TRIM14: variants seen among roughly 807,000 people sequenced by gnomAD.
TRIM14 encodes tripartite motif-containing protein 14.
In TRIM14, 28 loss-of-function variants were observed where a neutral mutation model predicts 44.5. The ratio of observed to expected loss-of-function variants is 0.63; its 90% CI spans 0.47 to 0.86. The LOEUF (loss-of-function observed/expected upper bound fraction) is 0.86, where lower values mean the gene tolerates loss of function less well. TRIM14 is among the 40% of genes least tolerant of loss of function. The probability of loss-of-function intolerance (pLI) is 0.00; values close to 1 mark genes in which losing one functional copy is unlikely to be tolerated. For synonymous variants in TRIM14, 299 were observed against 269.2 expected (o/e 1.11, Z -1.08); for missense variants, 607 against 611.1 (o/e 0.99, Z 0.07).
At chr9:98,038,334 G>A in the TRIM14 span, among the ~76,000 whole-genome samples, 71 of 152,244 alleles carry the variant, frequency 4.7e-4, no homozygotes, top group South Asian at 1.2e-3. Flanking sequence ...CTACAGGCAT[G>A]AGCTACCAAG....
the TRIM14 span, among the ~76,000 whole-genome samples, chr9:98,058,762 A>C: frequency 6.6e-6 from 1 of 152,178 alleles, no homozygotes; most frequent in Non-Finnish European, 1.5e-5. Flanking sequence ...CCTGTCTCTA[A>C]TTCCATTGAG....
the TRIM14 span, among the ~76,000 whole-genome samples, chr9:98,056,189 A>C: frequency 6.6e-6 from 1 of 152,016 alleles, no homozygotes; most frequent in East Asian, 1.9e-4. Flanking sequence ...CTTCTTGAAA[A>C]CTTACTACAA....
the TRIM14 span, among the ~76,000 whole-genome samples, chr9:98,054,899 A>G: frequency 1.3e-5 from 2 of 152,268 alleles, no homozygotes; most frequent in Non-Finnish European, 2.9e-5. Context: ...TGATTTATCA[A>G]AATAGGGGAA....
intron 4 of TRIM14, among the ~76,000 whole-genome samples, 175 bp downstream of exon 4, chr9:98,094,692 T>C (rs185447631): frequency 6.6e-6 from 1 of 151,426 alleles, no homozygotes; most frequent in East Asian, 2.0e-4. Context: ...TCAGGAAGGG[T>C]TGGAGGTGAA....
intron 2 of TRIM14, among the ~76,000 whole-genome samples, chr9:98,103,959 G>A (rs1289233407): frequency 2.6e-5 from 4 of 152,290 alleles, no homozygotes; most frequent in African/African-American, 9.6e-5. Context: ...GCAGGCTCCC[G>A]TGATACCGTG....
the TRIM14 span, among the ~76,000 whole-genome samples, chr9:98,036,755 G>C: frequency 1.3e-5 from 2 of 152,124 alleles, no homozygotes; most frequent in Admixed American, 1.3e-4. Flanking sequence ...GGTGAGCCCA[G>C]ATCGCACCAT....
At position 98,110,805 on chromosome 9, in the gene TRIM14, G is replaced by A. The variant is rs146661991; in HGVS notation, c.208-821C>T. Among the ~76,000 whole-genome samples, 1,384 of 150,478 alleles carry A rather than the reference G, an allele frequency of 9.2e-3. 67 individuals carry two copies. The highest frequency in any genetic ancestry group is 0.079 in the Admixed American group (1,197 of 15,148). On this transcript the variant is annotated intron_variant, in intron 1 of 5. Coordinates refer to ENST00000341469, the MANE Select transcript of TRIM14 (RefSeq NM_014788.4). The stretch of plus-strand genomic sequence containing the variant: ...AGGATCACTTGAGCCCAAGGAGTTC[G>A]AGACCAGCCTGGGCAACATAGTGAG...
rs1011014476 is a variant in TRIM14 at position 98,084,373 on chromosome 9, A to C, written c.*3097T>G. 2 of 152,236 alleles carry C rather than the reference A, an allele frequency of 1.3e-5. No homozygotes were observed. Among genetic ancestry groups the C allele is most frequent in the Non-Finnish European group, 2.9e-5 (2 of 68,048 alleles). 9.4% of individuals were successfully genotyped at this position (152,236 alleles called of 1,614,324 possible). On this transcript the variant is annotated 3_prime_UTR_variant, in exon 6 of 6. Transcript: ENST00000341469. ...CATGGTTAAAAGGGACATTATTCAC[A>C]TTTTATTAAACCAAATATTAGAAAA...
chr9:98,080,791 T>C (rs748768139), downstream of TRIM14: 2 of 1,548,974 alleles, frequency 1.3e-6, no homozygotes, highest in South Asian at 2.5e-5. Context: ...ATATTTAATG[T>C]TATTTTTCTT....
chr9:98,051,412 C>G, the TRIM14 span, among the ~76,000 whole-genome samples: 1 of 152,198 alleles, frequency 6.6e-6, no homozygotes, highest in Non-Finnish European at 1.5e-5. Flanking sequence ...GTGCCAGCAG[C>G]TGCACAGATA....
Position 98,109,885 on chromosome 9 carries a change from T to C in TRIM14, c.303+4A>G, listed in dbSNP as rs761295658. The C allele has an allele frequency of 3.7e-6, 6 of 1,611,754 alleles. No individual in the cohort carries two copies. The highest frequency in any genetic ancestry group is 5.1e-6 in the Non-Finnish European group (6 of 1,178,356). On this transcript the variant is annotated splice_donor_region_variant and intron_variant, in intron 2 of 5. Transcript: ENST00000341469. ...ATGGGTATGAGGAAGAAATGTCCAC[T>C]TGCCTTGAGCTTCTCGGTGGCATCT...
downstream of TRIM14, among the ~76,000 whole-genome samples, chr9:98,080,247 T>G (rs1411600306): frequency 6.6e-6 from 1 of 152,166 alleles, no homozygotes; most frequent in East Asian, 1.9e-4. Context: ...AAAATAATAA[T>G]ACACGCTACC....
At chr9:98,070,425 T>A (rs568135543) in intron 6 of TRIM14, among the ~76,000 whole-genome samples, 4 of 152,164 alleles carry the variant, frequency 2.6e-5, no homozygotes, top group South Asian at 2.1e-4. Context: ...GCTTTCATTT[T>A]AAATTTTTAT....
At chr9:98,037,728 G>A in the TRIM14 span, among the ~76,000 whole-genome samples, 2 of 152,198 alleles carry the variant, frequency 1.3e-5, no homozygotes, top group South Asian at 4.2e-4. Context: ...GCACAGTTGG[G>A]GTAGCCACTG....
the TRIM14 span, among the ~76,000 whole-genome samples, chr9:98,056,549 C>T: frequency 6.6e-6 from 1 of 152,196 alleles, no homozygotes; most frequent in Admixed American, 6.5e-5. Flanking sequence ...AAGCCTCAAG[C>T]CTCGCACAGG....
the TRIM14 span, among the ~76,000 whole-genome samples, chr9:98,059,084 C>T: frequency 1.9e-3 from 296 of 151,892 alleles, no homozygotes; most frequent in African/African-American, 6.8e-3. Flanking sequence ...AGTGCAGTGG[C>T]GTGATCTCGG....
the TRIM14 span, among the ~76,000 whole-genome samples, chr9:98,044,153 T>C: frequency 6.6e-6 from 1 of 152,012 alleles, no homozygotes; most frequent in African/African-American, 2.4e-5. Flanking sequence ...TCTCAGTTTC[T>C]GACTCTGCAG....
chr9:98,082,569 C>T (rs774502782), downstream of TRIM14, among the ~76,000 whole-genome samples: 17 of 152,228 alleles, frequency 1.1e-4, no homozygotes, highest in Non-Finnish European at 2.2e-4. Context: ...GGCCTATACC[C>T]CACAGACTGG....
downstream of TRIM14, chr9:98,069,223 G>A (rs1829238877): frequency 6.6e-6 from 1 of 152,134 alleles, no homozygotes; most frequent in Non-Finnish European, 1.5e-5. Context: ...GAAACAAACT[G>A]TAGTACATGC....
Sources: allele counts gnomAD v4.1 joint callset (sites outside exome capture counted in the v4.1 genomes callset), GRCh38; gene constraint gnomAD v4.1.1; transcripts MANE v1.5; gene names NCBI Gene and HGNC (gene_info 2026-07-23, HGNC 2026-07-21).